The following CADM2 variants were observed in gnomAD, a reference collection of about 807,000 sequenced individuals.
CADM2 encodes immunoglobulin superfamily member 4D.
CADM2 carries 12 observed loss-of-function variants against 49.8 expected under a neutral mutation model. That is an observed-to-expected ratio of 0.24 (90% CI 0.15 to 0.39). The LOEUF (loss-of-function observed/expected upper bound fraction) is 0.39. Ranked by LOEUF, CADM2 falls within the 10% of genes least tolerant of loss-of-function variation. CADM2 has a pLI of 1.00. For missense variants in CADM2, 378 were observed against 492.3 expected (o/e 0.77, Z 2.20); for synonymous variants, 214 against 175.4 (o/e 1.22, Z -1.74).
At chr3:85,507,125 A>G (rs2040388699) in intron 1 of CADM2, among the ~76,000 whole-genome samples, 1 of 152,092 alleles carries the variant, frequency 6.6e-6, no homozygotes, top group Admixed American at 6.6e-5. Context: ...TTTCTGTGAA[A>G]AAGAATCCAT....
chr3:86,025,961 G>A (rs1733858284), intron 8 of CADM2, among the ~76,000 whole-genome samples: 1 of 151,992 alleles, frequency 6.6e-6, no homozygotes, highest in Non-Finnish European at 1.5e-5. Context: ...GTCCAAAAGA[G>A]AATAATTGGC....
chr3:85,575,548 CT>C (rs2062607856), intron 1 of CADM2, among the ~76,000 whole-genome samples: 1 of 151,902 alleles, frequency 6.6e-6, no homozygotes, highest in Non-Finnish European at 1.5e-5. Context: ...GAGACTCCGT[CT>C]CAAAAACAAA....
chr3:85,103,471 A>T lies in CADM2; in HGVS notation c.61+143803A>T, dbSNP rs190527396. ...GGAGCACAAGATAAATGACCCTAGG[A>T]TTCTGTCTATAAGAAACTTACAATA... On this transcript the variant is annotated intron_variant, in intron 1 of 9. Coordinates refer to ENST00000383699, the MANE Select transcript of CADM2 (RefSeq NM_001167675.2). 8.3e-4 allele frequency among the ~76,000 whole-genome samples: 127 copies of T among 152,216 alleles called. 1 individual carries two copies. Among genetic ancestry groups the T allele is most frequent in the Middle Eastern group, 3.4e-3 (1 of 294 alleles).
intron 1 of CADM2, among the ~76,000 whole-genome samples, chr3:85,437,025 G>C (rs967715488): frequency 3.3e-5 from 5 of 151,902 alleles, no homozygotes; most frequent in African/African-American, 1.2e-4. Flanking sequence ...TCTAGTCCCT[G>C]GCAACCAGTG....
rs148911708 is a variant in CADM2, at chr3:85,604,539, A to G, written c.62-121983A>G. Among the ~76,000 whole-genome samples the G allele has an allele frequency of 1.1e-3, 169 of 152,116 alleles. 2 individuals carry two copies. In the East Asian group the frequency reaches 0.029, roughly 26 times the overall value. ...TGTGATATAAATGTTGAATCTTACA[A>G]TTGCTACACAACAATGAACTAGGTG... On this transcript the variant is annotated intron_variant, in intron 1 of 9. Transcript: ENST00000383699.
At chr3:84,991,503 A>C (rs1320017082) in intron 1 of CADM2, among the ~76,000 whole-genome samples, 1 of 152,280 alleles carries the variant, frequency 6.6e-6, no homozygotes, top group Middle Eastern at 3.4e-3. Flanking sequence ...AAATCCTAGG[A>C]AAAAAACTAA....
chr3:85,056,473 A>G (rs1360135991), intron 1 of CADM2, among the ~76,000 whole-genome samples: 2 of 152,044 alleles, frequency 1.3e-5, no homozygotes, highest in African/African-American at 2.4e-5. Context: ...ATTCAGGTTT[A>G]ATTATAAGTA....
intron 1 of CADM2, among the ~76,000 whole-genome samples, chr3:84,976,878 T>A (rs1022224449): frequency 1.3e-5 from 2 of 151,934 alleles, no homozygotes; most frequent in African/African-American, 4.8e-5. Flanking sequence ...AGAAGACTTT[T>A]TTCATCTTGC....
At chr3:86,036,020 G>T (rs916185211) in intron 8 of CADM2, among the ~76,000 whole-genome samples, 2 of 152,026 alleles carry the variant, frequency 1.3e-5, no homozygotes, top group African/African-American at 4.8e-5. Flanking sequence ...CATCATGGAT[G>T]ATCGACCTTC....
At chr3:85,053,856 C>T (rs961896049) in intron 1 of CADM2, among the ~76,000 whole-genome samples, 1 of 151,852 alleles carries the variant, frequency 6.6e-6, no homozygotes, top group Non-Finnish European at 1.5e-5. Flanking sequence ...ATTAGTACAA[C>T]CAATCAAAAT....
intron 8 of CADM2, among the ~76,000 whole-genome samples, chr3:86,057,070 T>C (rs1234493621): frequency 6.6e-6 from 1 of 152,208 alleles, no homozygotes; most frequent in East Asian, 1.9e-4. Context: ...TTATATATTT[T>C]CATGTTTTCT....
chr3:85,331,970 G>A (rs992230961), intron 1 of CADM2, among the ~76,000 whole-genome samples: 1 of 152,082 alleles, frequency 6.6e-6, no homozygotes, highest in Admixed American at 6.6e-5. Context: ...GAGGAGAGCA[G>A]TACAAAAGGT....
At chr3:85,103,499 A>G (rs1175851905) in intron 1 of CADM2, among the ~76,000 whole-genome samples, 2 of 152,146 alleles carry the variant, frequency 1.3e-5, no homozygotes, top group Non-Finnish European at 2.9e-5. Flanking sequence ...TTACAATACT[A>G]TGTATAAGAA....
At chr3:85,864,145 A>G (rs2075638447) in intron 3 of CADM2, among the ~76,000 whole-genome samples, 1 of 152,156 alleles carries the variant, frequency 6.6e-6, no homozygotes, top group South Asian at 2.1e-4. Flanking sequence ...GTTTTATAAG[A>G]GTTTTATCAT....
intron 1 of CADM2, among the ~76,000 whole-genome samples, chr3:85,038,307 G>C (rs562768478): frequency 5.3e-5 from 8 of 152,270 alleles, no homozygotes; most frequent in African/African-American, 1.4e-4. Flanking sequence ...AGACTGTTTA[G>C]TGAAAATTAA....
chr3:85,887,864 A>G (rs903992645), intron 5 of CADM2, among the ~76,000 whole-genome samples: 6 of 152,172 alleles, frequency 3.9e-5, no homozygotes, highest in African/African-American at 1.4e-4. Flanking sequence ...TACTACAACA[A>G]GAATCTGATC....
intron 1 of CADM2, among the ~76,000 whole-genome samples, chr3:85,575,158 T>C (rs959305491): frequency 3.3e-5 from 5 of 152,258 alleles, no homozygotes; most frequent in Admixed American, 6.5e-5. Flanking sequence ...ACTACTCTTA[T>C]AATTTTCATT....
chr3:85,908,749 G>A (rs1317877304), intron 5 of CADM2, among the ~76,000 whole-genome samples: 2 of 148,386 alleles, frequency 1.3e-5, no homozygotes, highest in Non-Finnish European at 3.0e-5. Context: ...TTTTGAGATG[G>A]AATCTCACTC....
At chr3:85,117,925 A>C (rs2038703804) in intron 1 of CADM2, among the ~76,000 whole-genome samples, 1 of 152,142 alleles carries the variant, frequency 6.6e-6, no homozygotes, top group Non-Finnish European at 1.5e-5. Flanking sequence ...AGCTTTCATG[A>C]GGCTTTTCAC....
Sources: gnomAD v4.1 joint callset for allele counts (sites outside exome capture counted in the v4.1 genomes callset) on GRCh38, gnomAD v4.1.1 for gene constraint, MANE v1.5 for transcripts, NCBI Gene and HGNC (gene_info 2026-07-23, HGNC 2026-07-21) for gene names.